The following PDZD2 variants were observed in gnomAD, a reference collection of about 807,000 sequenced individuals.
PDZD2 encodes PDZ domain containing 2.
Under a neutral mutation model 220.7 loss-of-function variants are expected in PDZD2, and 90 were observed. That is an observed-to-expected ratio of 0.41 (90% confidence interval 0.34 to 0.49). The LOEUF is 0.49. Ranked by LOEUF, PDZD2 falls within the 20% of genes least tolerant of loss-of-function variation. The pLI is 0.28. For missense variants in PDZD2, 3,174 were observed against 3,608.5 expected (o/e 0.88, Z 3.08); for synonymous variants, 1,375 against 1,450.5 (o/e 0.95, Z 1.18).
At chr5:31,947,720 G>A (rs1746770353) in intron 2 of PDZD2, among the ~76,000 whole-genome samples, 1 of 152,180 alleles carries the variant, frequency 6.6e-6, no homozygotes, top group African/African-American at 2.4e-5. Context: ...AGGAGGTTGG[G>A]GCTGGAAAAT....
chr5:31,932,010 G>A (rs761636113), intron 2 of PDZD2, among the ~76,000 whole-genome samples: 2 of 152,154 alleles, frequency 1.3e-5, no homozygotes, highest in Non-Finnish European at 2.9e-5. Flanking sequence ...TGCACAATTG[G>A]CAGGGTGTTC....
At chr5:32,026,681 T>A (rs940244294) in intron 6 of PDZD2, among the ~76,000 whole-genome samples, 4 of 152,096 alleles carry the variant, frequency 2.6e-5, no homozygotes, top group African/African-American at 9.7e-5. Context: ...GACCCAAGGG[T>A]CTACCTTGAG....
At chr5:31,838,513 A>G (rs1757079544) in intron 2 of PDZD2, among the ~76,000 whole-genome samples, 1 of 152,270 alleles carries the variant, frequency 6.6e-6, no homozygotes, top group African/African-American at 2.4e-5. Context: ...ACTTTGAGAA[A>G]GAAACTCACC....
intron 3 of PDZD2, among the ~76,000 whole-genome samples, chr5:31,992,709 C>G (rs141461510): frequency 6.6e-6 from 1 of 152,238 alleles, no homozygotes; most frequent in East Asian, 1.9e-4. Flanking sequence ...TTTCTGGACT[C>G]TAAGAATGGT....
chr5:32,003,909 G>A lies in PDZD2; in HGVS notation c.1254+3638G>A, dbSNP rs139222873. On this transcript the variant is annotated intron_variant, in intron 5 of 24. Coordinates refer to ENST00000438447, the MANE Select transcript of PDZD2 (RefSeq NM_178140.4). ...GTACTTTTAGTAGAGACGGGGTTTCGCCATGTTGGCCAGGCTGGTCTTAAA... is the reference window on the plus strand; with the variant it reads ...GTACTTTTAGTAGAGACGGGGTTTCACCATGTTGGCCAGGCTGGTCTTAAA... Among the ~76,000 whole-genome samples the A allele has an allele frequency of 8.1e-4, 123 of 152,044 alleles. 1 individual carries two copies. The highest frequency in any genetic ancestry group is 2.7e-3 in the African/African-American group (114 of 41,488).
rs1561507207 is a variant in PDZD2, at chr5:31,849,935, CATATATATATATACATATAT to C, written c.476+50219_476+50238del. On this transcript the variant is annotated intron_variant, in intron 2 of 24. Coordinates refer to ENST00000438447, the MANE Select transcript of PDZD2 (RefSeq NM_178140.4). ...ATATATATACATATATATATATACA[CATATATATATATACATATAT>C]ATATATACACATATATATATATACA... Among the ~76,000 whole-genome samples, 12 of 19,188 alleles carry C rather than the reference CATATATATATATACATATAT, an allele frequency of 6.3e-4. 4 individuals are homozygous for C. Among genetic ancestry groups the C allele is most frequent in the African/African-American group, 5.7e-4 (2 of 3,512 alleles). 12.6% of individuals were successfully genotyped at this position (19,188 alleles called of 152,430 possible).
intron 2 of PDZD2, among the ~76,000 whole-genome samples, chr5:31,849,609 G>T (rs188164915): frequency 2.0e-5 from 3 of 151,910 alleles, no homozygotes; most frequent in Non-Finnish European, 4.4e-5. Context: ...TTTGGGAGGC[G>T]GAGGTGGGTG....
At chr5:31,869,567 AG>A (rs1419539034) in intron 2 of PDZD2, among the ~76,000 whole-genome samples, 18 of 152,100 alleles carry the variant, frequency 1.2e-4, no homozygotes, top group Non-Finnish European at 2.1e-4. Flanking sequence ...CTGTCTCAAA[AG>A]AAAAAAAAAA....
intron 2 of PDZD2, among the ~76,000 whole-genome samples, chr5:31,817,954 G>A (rs1203076422): frequency 1.4e-5 from 2 of 145,314 alleles, no homozygotes; most frequent in Admixed American, 7.0e-5. Context: ...ATGAGCCACT[G>A]CACCTGGCCA....
At chr5:32,077,971 A>AAG (rs1293498792) in intron 19 of PDZD2, 1 of 196,224 alleles carries the variant, frequency 5.1e-6, no homozygotes, top group African/African-American at 2.4e-5. Flanking sequence ...AAAAAGAAAA[A>AAG]AGAAAGAAAG....
intron 2 of PDZD2, among the ~76,000 whole-genome samples, chr5:31,858,530 T>G (rs1758655772): frequency 6.6e-6 from 1 of 152,200 alleles, no homozygotes; most frequent in African/African-American, 2.4e-5. Flanking sequence ...CAAAGATGAT[T>G]ACAGCCCTTT....
At chr5:31,654,375 C>G (rs1252719779) in intron 1 of PDZD2, among the ~76,000 whole-genome samples, 2 of 152,106 alleles carry the variant, frequency 1.3e-5, no homozygotes, top group African/African-American at 2.4e-5. Flanking sequence ...TCCTCTTCCT[C>G]CTGACCTCTT....
At chr5:31,863,072 C>A (rs558363594) in intron 2 of PDZD2, among the ~76,000 whole-genome samples, 6 of 152,088 alleles carry the variant, frequency 3.9e-5, no homozygotes, top group Non-Finnish European at 7.4e-5. Flanking sequence ...TTAGTAGAGA[C>A]GGAGTTTCAC....
At chr5:31,671,526 G>A (rs1020849733) in intron 1 of PDZD2, among the ~76,000 whole-genome samples, 3 of 152,178 alleles carry the variant, frequency 2.0e-5, no homozygotes, top group African/African-American at 7.2e-5. Context: ...CTAAGCCATT[G>A]TCCTTGAAGT....
At chr5:31,909,628 T>G (rs1291405306) in intron 2 of PDZD2, among the ~76,000 whole-genome samples, 1 of 152,210 alleles carries the variant, frequency 6.6e-6, no homozygotes, top group African/African-American at 2.4e-5. Context: ...ACTAAAAGGA[T>G]AACAATTCAG....
chr5:31,879,556 A>G (rs562504752), intron 2 of PDZD2, among the ~76,000 whole-genome samples: 34 of 152,244 alleles, frequency 2.2e-4, no homozygotes, highest in African/African-American at 7.7e-4. Flanking sequence ...CAGAGCATCT[A>G]GCATTCTTAT....
rs10037898 is a variant in PDZD2 at position 31,810,424 on chromosome 5, C to T, written c.476+10700C>T. ...ACTACAGGTGCCCACCACCACGCCT[C>T]ACTAAATTTTTGTATATTTTTTAGT... On this transcript the variant is annotated intron_variant, in intron 2 of 24. Transcript: ENST00000438447. Among the ~76,000 whole-genome samples the T allele has an allele frequency of 8.8e-3, 1,345 of 152,082 alleles. 22 individuals are homozygous for T. The highest frequency in any genetic ancestry group is 0.031 in the African/African-American group (1,275 of 41,492).
chr5:31,971,703 A>G (rs1213414033), intron 2 of PDZD2, among the ~76,000 whole-genome samples: 1 of 152,170 alleles, frequency 6.6e-6, no homozygotes, highest in Non-Finnish European at 1.5e-5. Flanking sequence ...CCTATTCCCA[A>G]CACAGAAACA....
intron 2 of PDZD2, among the ~76,000 whole-genome samples, chr5:31,814,659 C>T (rs1304439189): frequency 1.3e-5 from 2 of 151,516 alleles, no homozygotes; most frequent in African/African-American, 4.9e-5. Flanking sequence ...CTCGTCTCTA[C>T]TAAAAAAAAA....
Sources: gnomAD v4.1 joint callset for allele counts (sites outside exome capture counted in the v4.1 genomes callset) on GRCh38, gnomAD v4.1.1 for gene constraint, MANE v1.5 for transcripts, NCBI Gene and HGNC (gene_info 2026-07-23, HGNC 2026-07-21) for gene names.